USP15: variants seen among roughly 807,000 people sequenced by gnomAD.
The protein encoded by USP15 is ubiquitin carboxyl-terminal hydrolase 15.
USP15 carries 18 observed loss-of-function variants against 127.1 expected under a neutral mutation model. The observed-to-expected ratio is 0.14, with a 90% CI of 0.10 to 0.21. The LOEUF (loss-of-function observed/expected upper bound fraction) is 0.21. Among genes scored for constraint, USP15 ranks in the 10% least tolerant of loss-of-function variants. USP15 has a pLI of 1.00. For synonymous variants in USP15, 364 were observed against 393.7 expected (o/e 0.92, Z 0.89); for missense variants, 805 against 1,159.9 (o/e 0.69, Z 4.44).
chr12:62,384,365 A>G (rs929667058), intron 11 of USP15, 63 bp downstream of exon 11: 21 of 1,242,300 alleles, frequency 1.7e-5, no homozygotes, highest in Non-Finnish European at 2.2e-5. Flanking sequence ...TATTTTTATT[A>G]AAAAATTAGT....
Position 62,402,696 on chromosome 12 carries a change from G to A in USP15, c.2763+1421G>A, listed in dbSNP as rs574618194. ...AAATTAGTCTGGAGATAAATTTAGC[G>A]CTTAGATCAAGAAAAGTGGCATTCT... On this transcript the variant is annotated intron_variant, in intron 21 of 21. Transcript: ENST00000280377. Among the ~76,000 whole-genome samples, 246 of 152,124 alleles carry A rather than the reference G, an allele frequency of 1.6e-3. 1 individual carries two copies. The highest frequency in any genetic ancestry group is 2.6e-3 in the Admixed American group (40 of 15,260).
At chr12:62,318,627 CT>C (rs2137268461) in intron 4 of USP15, among the ~76,000 whole-genome samples, 1 of 152,184 alleles carries the variant, frequency 6.6e-6, no homozygotes, top group South Asian at 2.1e-4. Flanking sequence ...GTGTTGATAT[CT>C]TTTAAGTTGA....
chr12:62,320,788 A>G (rs1196064225), intron 4 of USP15, among the ~76,000 whole-genome samples: 4 of 152,064 alleles, frequency 2.6e-5, no homozygotes, highest in African/African-American at 9.7e-5. Context: ...AACTACAACT[A>G]TTCTAAAATC....
chr12:62,356,671 T>C (rs992079793), intron 8 of USP15, among the ~76,000 whole-genome samples: 1 of 152,008 alleles, frequency 6.6e-6, no homozygotes, highest in African/African-American at 2.4e-5. Flanking sequence ...TTCAAATGAG[T>C]AATCCTGCTC....
In USP15 at chr12:62,345,765, A is replaced by G. The variant is rs146972875; in HGVS notation, c.684-3456A>G. ...TCTGGGGTGGGGGGGCCTCACAATCATGGCAGAAGGCAAGGAGGAGCAAGT... is the reference window on the plus strand; with the variant it reads ...TCTGGGGTGGGGGGGCCTCACAATCGTGGCAGAAGGCAAGGAGGAGCAAGT... On this transcript the variant is annotated intron_variant, in intron 6 of 21. Transcript: ENST00000280377. Among the ~76,000 whole-genome samples, 632 of 152,264 alleles carry G rather than the reference A, an allele frequency of 4.2e-3. 6 individuals carry two copies. The highest frequency in any genetic ancestry group is 0.015 in the African/African-American group (614 of 41,548).
chr12:62,287,887 A>T (rs2063830201), intron 1 of USP15, among the ~76,000 whole-genome samples: 1 of 152,088 alleles, frequency 6.6e-6, no homozygotes, highest in South Asian at 2.1e-4. Context: ...TTCGTTGAAG[A>T]TCAGTTGGCA....
rs1053313929 is a variant in USP15, at chr12:62,409,456, C to T, written c.*5081C>T. The T allele has an allele frequency of 4.6e-5, 7 of 152,070 alleles. No individual in the cohort carries two copies. The highest frequency in any genetic ancestry group is 2.1e-4 in the South Asian group (1 of 4,820). The allele number at this position is 152,070 out of a possible 1,614,324, so 9.4% of individuals were successfully genotyped here. A position where few individuals can be genotyped will look rare whatever the true frequency, so the allele number is the denominator to read the frequency against. ...GAATTGAAAATGTGTAAAATAAGACCACACACTTTCAATATGCACAAAATA... is the reference window on the plus strand; with the variant it reads ...GAATTGAAAATGTGTAAAATAAGACTACACACTTTCAATATGCACAAAATA... On this transcript the variant is annotated 3_prime_UTR_variant, in exon 22 of 22. Coordinates refer to ENST00000280377, the MANE Select transcript of USP15 (RefSeq NM_001252078.2).
At chr12:62,388,403 G>A (rs1044003928) in intron 11 of USP15, among the ~76,000 whole-genome samples, 3 of 152,210 alleles carry the variant, frequency 2.0e-5, no homozygotes, top group Non-Finnish European at 2.9e-5. Flanking sequence ...AAAGTGTTGG[G>A]ATTACAGGCG....
At chr12:62,363,621 AT>A (rs2066382824) in intron 8 of USP15, among the ~76,000 whole-genome samples, 1 of 151,962 alleles carries the variant, frequency 6.6e-6, no homozygotes, top group Non-Finnish European at 1.5e-5. Context: ...TTTTATTTCT[AT>A]TAGGGTTTTT....
intron 4 of USP15, among the ~76,000 whole-genome samples, chr12:62,317,978 A>G (rs2064878528): frequency 6.6e-6 from 1 of 152,204 alleles, no homozygotes; most frequent in Non-Finnish European, 1.5e-5. Context: ...TTTAATTTCT[A>G]TGACCTGTAT....
At chr12:62,355,815 C>CT (rs775118962) in intron 8 of USP15, among the ~76,000 whole-genome samples, 2,998 of 114,806 alleles carry the variant, frequency 0.026, 113 homozygotes, top group African/African-American at 0.087. Flanking sequence ...GTCTGTTGCA[C>CT]TTTTTTTTTC....
At chr12:62,363,422 G>A (rs903290813) in intron 8 of USP15, among the ~76,000 whole-genome samples, 4 of 152,150 alleles carry the variant, frequency 2.6e-5, no homozygotes, top group South Asian at 2.1e-4. Context: ...TGCCAAGAGC[G>A]TGCCTGCCTT....
At chr12:62,376,671 A>C (rs980440192) in intron 8 of USP15, among the ~76,000 whole-genome samples, 1 of 152,192 alleles carries the variant, frequency 6.6e-6, no homozygotes, top group Non-Finnish European at 1.5e-5. Context: ...TTCATTTGTC[A>C]TGATACATTC....
At chr12:62,327,049 GAAC>G (rs1317518574) in intron 6 of USP15, among the ~76,000 whole-genome samples, 2 of 152,064 alleles carry the variant, frequency 1.3e-5, no homozygotes, top group African/African-American at 4.8e-5. Flanking sequence ...AGAATCACTT[GAAC>G]CCAGGAGGCA....
chr12:62,343,978 G>A (rs1218190544), intron 6 of USP15, among the ~76,000 whole-genome samples: 3 of 152,036 alleles, frequency 2.0e-5, no homozygotes, highest in Admixed American at 6.6e-5. Flanking sequence ...ACAACACATG[G>A]GAATTACAGG....
At position 62,273,180 on chromosome 12, in the gene USP15, C is replaced by T. The variant is rs539189635; in HGVS notation, c.89+12677C>T. On this transcript the variant is annotated intron_variant, in intron 1 of 21. Transcript: ENST00000280377. ...ATGTCATCCTCATTCAGTTTAGATACTTTTTCTTACCACTTTTCTTGGAGT... is the reference window on the plus strand; with the variant it reads ...ATGTCATCCTCATTCAGTTTAGATATTTTTTCTTACCACTTTTCTTGGAGT... Among the ~76,000 whole-genome samples, 11 of 152,134 alleles carry T rather than the reference C, an allele frequency of 7.2e-5. No individual in the cohort carries two copies. The South Asian group carries it at 1.9e-3, about 26-fold the overall frequency.
At position 62,314,847 on chromosome 12, in the gene USP15, T is replaced by C. The variant is rs148900429; in HGVS notation, c.406T>C (p.Leu136=). The change falls in exon 4 of 22, where the codon TTG becomes CTG. Residue 136 remains leucine (L), a synonymous_variant. Coordinates refer to ENST00000280377, the MANE Select transcript of USP15 (RefSeq NM_001252078.2). ...CAAAGTAGAAGTATATCTCACAGAA[T>C]TGAAGCTATGTGAAAATGGAAACAT... ...HCKVEVYLTE[L]KLCENGNMNN... 293 of 1,599,610 alleles carry C rather than the reference T, an allele frequency of 1.8e-4. 3 individuals carry two copies. The South Asian group carries it at 2.9e-3, about 16-fold the overall frequency.
chr12:62,394,863 A>AG (rs986277466), intron 19 of USP15, among the ~76,000 whole-genome samples: 3 of 152,162 alleles, frequency 2.0e-5, no homozygotes, highest in African/African-American at 7.2e-5. Context: ...AAAAAAAAAA[A>AG]AAAGAATCAG....
chr12:62,383,780 A>C (rs1247552317), intron 9 of USP15, 60 bp from the exon 10 acceptor site: 1 of 1,540,268 alleles, frequency 6.5e-7, no homozygotes, highest in Non-Finnish European at 8.8e-7. Flanking sequence ...TCTATTGTAC[A>C]TATGTTTAAA....
Sources: gnomAD v4.1 joint callset for allele counts (sites outside exome capture counted in the v4.1 genomes callset) on GRCh38, gnomAD v4.1.1 for gene constraint, MANE v1.5 for transcripts, NCBI Gene and HGNC (gene_info 2026-07-23, HGNC 2026-07-21) for gene names.